The following SGK1 variants were observed in gnomAD, a reference collection of about 807,000 sequenced individuals.
The protein encoded by SGK1 is serine/threonine-protein kinase Sgk1.
SGK1 carries 26 observed loss-of-function variants against 64.2 expected under a neutral mutation model. That is an observed-to-expected ratio of 0.40 (90% CI 0.30 to 0.56). SGK1 has a LOEUF of 0.56. Among genes scored for constraint, SGK1 ranks in the 20% least tolerant of loss-of-function variants. The probability of loss-of-function intolerance (pLI) is 0.38; values close to 1 mark genes in which losing one functional copy is unlikely to be tolerated. For synonymous variants in SGK1, 265 were observed against 239.7 expected, an observed-to-expected ratio of 1.11 and a Z score of -0.98; for missense variants, 519 against 645.6, an observed-to-expected ratio of 0.80 and a Z score of 2.12.
chr6:134,295,296 C>T (rs982922722), intron 1 of SGK1, among the ~76,000 whole-genome samples: 94 of 152,126 alleles, frequency 6.2e-4, no homozygotes, highest in African/African-American at 2.2e-3. Context: ...GCCAGGGCCC[C>T]ATCTCAGCTA....
intron 3 of SGK1, among the ~76,000 whole-genome samples, chr6:134,205,752 CACT>C (rs1482875581): frequency 1.3e-5 from 2 of 152,186 alleles, no homozygotes; most frequent in Non-Finnish European, 1.5e-5. Context: ...TTGCGGCAAA[CACT>C]ACATTAGATT....
intron 2 of SGK1, among the ~76,000 whole-genome samples, chr6:134,247,864 GTCTC>G (rs1776548284): frequency 6.6e-6 from 1 of 152,044 alleles, no homozygotes; most frequent in Non-Finnish European, 1.5e-5. Flanking sequence ...TTTGTACTTG[GTCTC>G]TCTGACTTGT....
intron 2 of SGK1, among the ~76,000 whole-genome samples, chr6:134,246,826 C>T (rs1297420466): frequency 6.6e-6 from 1 of 152,134 alleles, no homozygotes; most frequent in East Asian, 1.9e-4. Context: ...CTCCTGACCT[C>T]AGGTGACCCA....
chr6:134,308,699 G>T (rs917021114), intron 1 of SGK1, among the ~76,000 whole-genome samples: 57 of 152,140 alleles, frequency 3.7e-4, no homozygotes, highest in Admixed American at 5.9e-4. Flanking sequence ...TGGGATTACA[G>T]GTGCACGCCA....
rs148271582 is a variant in SGK1, at chr6:134,278,743, G to A, written c.70-16595C>T. On this transcript the variant is annotated intron_variant, in intron 1 of 13. Coordinates refer to ENST00000367858, the MANE Select transcript of SGK1 (RefSeq NM_001143676.3). ...CTATTATGTCCAAGGATTGTGTGAG[G>A]TTCTGAAATTATGGAAGATAAAAGA... Among the ~76,000 whole-genome samples, 5 of 152,138 alleles carry A rather than the reference G, an allele frequency of 3.3e-5. No homozygotes were observed. The East Asian group carries it at 9.7e-4, about 29-fold the overall frequency.
chr6:134,176,209 A>C (rs1345182816), intron 3 of SGK1, among the ~76,000 whole-genome samples: 7 of 151,638 alleles, frequency 4.6e-5, no homozygotes, highest in African/African-American at 1.5e-4. Context: ...CCACCTGAAA[A>C]CCCTGCAGGT....
intron 1 of SGK1, among the ~76,000 whole-genome samples, chr6:134,310,583 TTTTG>T (rs906333874): frequency 7.6e-4 from 115 of 152,218 alleles, no homozygotes; most frequent in African/African-American, 2.1e-3. Context: ...ACTATATAGT[TTTTG>T]TTTGTTTGTT....
intron 4 of SGK1, 164 bp downstream of exon 4, chr6:134,174,347 A>C (rs2114639335): frequency 1.6e-6 from 1 of 627,096 alleles, no homozygotes; most frequent in African/African-American, 1.8e-5. Flanking sequence ...TCAGCAAATT[A>C]ACTTTAATGT....
At chr6:134,224,158 C>T (rs565611692) in intron 2 of SGK1, among the ~76,000 whole-genome samples, 3 of 152,178 alleles carry the variant, frequency 2.0e-5, no homozygotes, top group Non-Finnish European at 4.4e-5. Context: ...ACCATGAATA[C>T]AGCTTTTACA....
intron 3 of SGK1, among the ~76,000 whole-genome samples, chr6:134,200,370 G>A (rs1775661890): frequency 6.6e-6 from 1 of 152,086 alleles, no homozygotes; most frequent in African/African-American, 2.4e-5. Flanking sequence ...CTTAAAAAAT[G>A]ACTTTTGTTT....
At chr6:134,186,892 C>A (rs886148131) in intron 3 of SGK1, among the ~76,000 whole-genome samples, 1 of 151,406 alleles carries the variant, frequency 6.6e-6, no homozygotes, top group African/African-American at 2.4e-5. Context: ...TCTCGGCTTG[C>A]TGCAACCTCT....
chr6:134,173,367 CA>C lies in SGK1; in HGVS notation c.619-11del. On this transcript the variant is annotated splice_polypyrimidine_tract_variant and intron_variant, in intron 6 of 13. Transcript: ENST00000367858. The stretch of plus-strand genomic sequence containing the variant: ...GTCTTGCTAGAAGAACCTGAAATTT[CA>C]ATTTAAAAAAATCATTTTTCTATCC... 6.2e-7 allele frequency: 1 copy of C among 1,609,278 alleles called. No individual in the cohort carries two copies. Among genetic ancestry groups the C allele is most frequent in the South Asian group, 1.1e-5 (1 of 90,592 alleles).
Position 134,170,021 on chromosome 6 carries a change from C to G in SGK1, c.*247G>C. On this transcript the variant is annotated 3_prime_UTR_variant, in exon 14 of 14. Transcript: ENST00000367858. ...TCCTGCCTCCGTCTAAGGCGGCACT[C>G]TAACGCTCGTTTCAGAGATAGCACC... 1 of 312,674 alleles carries G rather than the reference C, an allele frequency of 3.2e-6. No individual in the cohort carries two copies. The highest frequency in any genetic ancestry group is 2.1e-5 in the African/African-American group (1 of 48,120). 19.4% of individuals were successfully genotyped at this position (312,674 alleles called of 1,614,324 possible).
chr6:134,210,206 C>T (rs1292003590), intron 2 of SGK1, among the ~76,000 whole-genome samples: 12 of 152,142 alleles, frequency 7.9e-5, no homozygotes. Context: ...TAAATACATA[C>T]AATGGAATAT....
At chr6:134,311,731 C>T (rs1178095336) in intron 1 of SGK1, among the ~76,000 whole-genome samples, 2 of 152,168 alleles carry the variant, frequency 1.3e-5, no homozygotes, top group African/African-American at 4.8e-5. Flanking sequence ...TGCAGTGTCA[C>T]TGGGACCATG....
At chr6:134,267,993 T>C (rs900011591) in intron 1 of SGK1, among the ~76,000 whole-genome samples, 1 of 152,206 alleles carries the variant, frequency 6.6e-6, no homozygotes. Context: ...GCCTCACAAG[T>C]GATTTTTACA....
chr6:134,297,297 T>G (rs1448454310), intron 1 of SGK1: 23 of 1,268,232 alleles, frequency 1.8e-5, no homozygotes. Context: ...GTTCATCAGC[T>G]CCTGGTACAC....
At chr6:134,301,431 G>A (rs1390630356) in intron 1 of SGK1, among the ~76,000 whole-genome samples, 1 of 152,162 alleles carries the variant, frequency 6.6e-6, no homozygotes, top group Non-Finnish European at 1.5e-5. Context: ...ACAAGTAGGA[G>A]GAGAGGCTGG....
intron 1 of SGK1, among the ~76,000 whole-genome samples, chr6:134,265,433 C>T (rs1776834354): frequency 6.6e-6 from 1 of 151,134 alleles, no homozygotes; most frequent in South Asian, 2.1e-4. Context: ...GCACTCCAGC[C>T]TGGGCAACAA....
Sources: allele counts gnomAD v4.1 joint callset (sites outside exome capture counted in the v4.1 genomes callset), GRCh38; gene constraint gnomAD v4.1.1; transcripts MANE v1.5; gene names NCBI Gene and HGNC (gene_info 2026-07-23, HGNC 2026-07-21).